Variants in DPH6 observed in about 807,000 individuals in gnomAD.
DPH6 encodes the protein diphthamine biosynthesis 6, also known as diphthine--ammonia ligase.
DPH6 carries 33 observed loss-of-function variants against 38.2 expected under a neutral mutation model. The ratio of observed to expected loss-of-function variants is 0.86; its 90% CI spans 0.65 to 1.15. DPH6 has a LOEUF of 1.15. Ranked by LOEUF, DPH6 falls within the 50% of genes most tolerant of loss-of-function variation. The pLI, the probability that DPH6 is intolerant of heterozygous loss-of-function variation, is 0.00. For missense variants in DPH6, 325 were observed against 320.0 expected, an observed-to-expected ratio of 1.02 and a Z score of -0.12; for synonymous variants, 108 against 103.0, an observed-to-expected ratio of 1.05 and a Z score of -0.30.
chr15:35,158,977 T>C, the DPH6 span, among the ~76,000 whole-genome samples: 1 of 152,036 alleles, frequency 6.6e-6, no homozygotes. Flanking sequence ...CTCACTGGTC[T>C]CATCTTAAAT....
chr15:35,154,173 T>C, the DPH6 span, among the ~76,000 whole-genome samples: 4 of 152,104 alleles, frequency 2.6e-5, no homozygotes, highest in Admixed American at 2.6e-4. Context: ...GGAAGAGGGT[T>C]TTTAATGTTT....
intron 6 of DPH6, 147 bp from the exon 7 acceptor site, chr15:35,382,063 T>A: frequency 1.6e-6 from 1 of 635,032 alleles, no homozygotes. Flanking sequence ...TATTTCTGCT[T>A]AAAACCTGTT....
At chr15:35,453,216 G>T (rs575710985) in intron 4 of DPH6, among the ~76,000 whole-genome samples, 1 of 152,302 alleles carries the variant, frequency 6.6e-6, no homozygotes, top group South Asian at 2.1e-4. Context: ...TCAACCGTGT[G>T]TTGAAGTGTA....
chr15:35,464,899 T>C (rs1566920121), intron 3 of DPH6, among the ~76,000 whole-genome samples: 1 of 152,236 alleles, frequency 6.6e-6, no homozygotes, highest in African/African-American at 2.4e-5. Flanking sequence ...AAATTTCTAC[T>C]ATATTACATG....
At chr15:35,207,869 C>T in the DPH6 span, among the ~76,000 whole-genome samples, 56 of 152,128 alleles carry the variant, frequency 3.7e-4, no homozygotes, top group Non-Finnish European at 5.9e-4. Context: ...TACCACTAAC[C>T]GGAATTCTCA....
At chr15:35,356,964 A>G (rs1326881950) in intron 3 of DPH6, among the ~76,000 whole-genome samples, 1 of 151,934 alleles carries the variant, frequency 6.6e-6, no homozygotes, top group African/African-American at 2.4e-5. Flanking sequence ...TTGTTTACCT[A>G]CTCAAGCCTC....
intron 3 of DPH6, among the ~76,000 whole-genome samples, chr15:35,314,868 C>T (rs1014437915): frequency 3.9e-5 from 6 of 152,046 alleles, no homozygotes. Flanking sequence ...GATTTTATAC[C>T]ACAACTGGTG....
intron 3 of DPH6, among the ~76,000 whole-genome samples, chr15:35,310,627 T>C (rs954156001): frequency 5.3e-5 from 8 of 152,136 alleles, no homozygotes; most frequent in Admixed American, 1.3e-4. Flanking sequence ...ATGTCACATA[T>C]ATATAAATTT....
intron 5 of DPH6, among the ~76,000 whole-genome samples, chr15:35,449,770 G>C (rs1380023801): frequency 6.6e-6 from 1 of 152,122 alleles, no homozygotes; most frequent in Non-Finnish European, 1.5e-5. Context: ...TTCAACTGAA[G>C]ACAACACCTC....
Position 35,338,515 on chromosome 15 carries a change from T to C in DPH6, n.208-7438A>G, listed in dbSNP as rs191379872. 7.2e-4 allele frequency among the ~76,000 whole-genome samples: 110 copies of C among 152,218 alleles called. 1 individual carries two copies. Among genetic ancestry groups the C allele is most frequent in the African/African-American group, 2.5e-3 (104 of 41,516 alleles). On this transcript the variant is annotated intron_variant and non_coding_transcript_variant, in intron 3 of 3. Transcript: ENST00000558973. ...TCACACCAGTTAGAATGGCAATCAT[T>C]AAAAAGTCAGGAAACAACAGGTGCT...
chr15:35,291,755 G>C (rs549641203), intron 3 of DPH6, among the ~76,000 whole-genome samples: 3 of 152,216 alleles, frequency 2.0e-5, no homozygotes, highest in African/African-American at 7.2e-5. Flanking sequence ...TGAATGACTA[G>C]ACAGATATGA....
intron 3 of DPH6, among the ~76,000 whole-genome samples, chr15:35,478,371 AC>A: frequency 3.8e-5 from 1 of 26,442 alleles, no homozygotes; most frequent in South Asian, 3.8e-3. Context: ...ACACATACAC[AC>A]ACACACACAC....
chr15:35,504,000 C>T (rs113811809), intron 3 of DPH6, among the ~76,000 whole-genome samples: 1 of 152,052 alleles, frequency 6.6e-6, no homozygotes, highest in African/African-American at 2.4e-5. Flanking sequence ...ATCAATTTAT[C>T]CAGTCTTGAT....
intron 3 of DPH6, among the ~76,000 whole-genome samples, chr15:35,526,376 G>T (rs937702990): frequency 2.0e-5 from 3 of 152,102 alleles, no homozygotes; most frequent in African/African-American, 7.2e-5. Context: ...TCTTTTGAAA[G>T]ATATCTATGG....
rs71741742 is a variant in DPH6 at position 35,425,810 on chromosome 15, C to CATATATAT, written c.506-14922_506-14915dup. Reference sequence around the variant, plus strand: ...TATCATATATATATATATGACATGACATATATATATATATATATATCTCAT... The same window carrying CATATATAT: ...TATCATATATATATATATGACATGACATATATATATATATATATATATATATATCTCAT... On this transcript the variant is annotated intron_variant, in intron 5 of 8. Coordinates refer to ENST00000256538, the MANE Select transcript of DPH6 (RefSeq NM_080650.4). 4.1e-3 allele frequency among the ~76,000 whole-genome samples: 588 copies of CATATATAT among 142,010 alleles called. 5 individuals carry two copies. Among genetic ancestry groups the CATATATAT allele is most frequent in the Admixed American group, 8.6e-3 (121 of 14,126 alleles). 93.2% of individuals were successfully genotyped at this position (142,010 alleles called of 152,430 possible).
intron 3 of DPH6, among the ~76,000 whole-genome samples, chr15:35,495,361 G>A (rs936996494): frequency 6.6e-6 from 1 of 152,104 alleles, no homozygotes; most frequent in Non-Finnish European, 1.5e-5. Flanking sequence ...TAAGAAGAGA[G>A]GCCTCAGAAT....
chr15:35,401,912 A>G (rs28602971), intron 6 of DPH6: 8,732 of 423,734 alleles, frequency 0.021, 674 homozygotes, highest in African/African-American at 0.16. Flanking sequence ...CTTTAGACAA[A>G]TACTCATGTG....
chr15:35,446,915 C>T (rs1440120993), intron 5 of DPH6, among the ~76,000 whole-genome samples: 1 of 151,160 alleles, frequency 6.6e-6, no homozygotes, highest in Non-Finnish European at 1.5e-5. Context: ...GTCGCCCAGG[C>T]TGGAGTGCAG....
At chr15:35,392,740 G>A (rs2140961726) in intron 6 of DPH6, among the ~76,000 whole-genome samples, 1 of 152,206 alleles carries the variant, frequency 6.6e-6, no homozygotes, top group Admixed American at 6.5e-5. Context: ...TATAAAGCAG[G>A]GTACCAATCT....
Sources: gnomAD v4.1 joint callset for allele counts (sites outside exome capture counted in the v4.1 genomes callset) on GRCh38, gnomAD v4.1.1 for gene constraint, MANE v1.5 for transcripts, NCBI Gene and HGNC (gene_info 2026-07-23, HGNC 2026-07-21) for gene names.